Variants in PIP5K1C observed in about 807,000 individuals in gnomAD.
PIP5K1C encodes the protein phosphatidylinositol 4-phosphate 5-kinase type-1 gamma.
PIP5K1C carries 45 observed loss-of-function variants against 80.1 expected under a neutral mutation model. That is an observed-to-expected ratio of 0.56 (90% CI 0.44 to 0.72). PIP5K1C has a LOEUF of 0.72. Among genes scored for constraint, PIP5K1C ranks in the 30% least tolerant of loss-of-function variants. The pLI is 0.00. For missense variants in PIP5K1C, 753 were observed against 954.6 expected (o/e 0.79, Z 2.78); for synonymous variants, 498 against 420.1 (o/e 1.19, Z -2.27).
At chr19:3,698,724 G>A (rs914445906) in intron 1 of PIP5K1C, among the ~76,000 whole-genome samples, 6 of 152,088 alleles carry the variant, frequency 3.9e-5, no homozygotes, top group African/African-American at 1.4e-4. Flanking sequence ...AGAACAAGCA[G>A]GCCCCTTTAT....
At chr19:3,638,296 C>A (rs1226675679) in intron 16 of PIP5K1C, among the ~76,000 whole-genome samples, 3 of 152,176 alleles carry the variant, frequency 2.0e-5, no homozygotes, top group Non-Finnish European at 4.4e-5. Flanking sequence ...CCCAGGTCCC[C>A]AGGGCCGGGC....
intron 1 of PIP5K1C, among the ~76,000 whole-genome samples, chr19:3,677,177 T>C (rs1423827466): frequency 2.0e-5 from 3 of 152,182 alleles, no homozygotes; most frequent in African/African-American, 7.2e-5. Flanking sequence ...TGCCTTAATG[T>C]CAACCACAAG....
At chr19:3,651,567 C>T (rs748680420) in intron 8 of PIP5K1C, among the ~76,000 whole-genome samples, 1 of 152,234 alleles carries the variant, frequency 6.6e-6, no homozygotes, top group Non-Finnish European at 1.5e-5. Flanking sequence ...TGGCCAGTGG[C>T]CTCGGCCCAG....
chr19:3,694,194 A>G (rs1320354112), intron 1 of PIP5K1C, among the ~76,000 whole-genome samples: 1 of 149,962 alleles, frequency 6.7e-6, no homozygotes, highest in Non-Finnish European at 1.5e-5. Context: ...CCCGGGCGAG[A>G]CAGCGAGACT....
At chr19:3,697,207 A>AG (rs1270935521) in intron 1 of PIP5K1C, among the ~76,000 whole-genome samples, 2 of 150,290 alleles carry the variant, frequency 1.3e-5, no homozygotes, top group Non-Finnish European at 3.0e-5. Flanking sequence ...AGCCGGATGG[A>AG]GGAGGACTAA....
In PIP5K1C at chr19:3,653,600, A is replaced by G. The variant is rs2034525177; in HGVS notation, c.622-11T>C. On this transcript the variant is annotated splice_polypyrimidine_tract_variant and intron_variant, in intron 6 of 17. Transcript: ENST00000335312. ...GTTCTGGTTGAGGTTCTGCCGGGGG[A>G]AGAGGGCAAGTCGTGGAGGGCGGCT... 6.2e-7 allele frequency: 1 copy of G among 1,603,046 alleles called. No homozygotes were observed. The highest frequency in any genetic ancestry group is 8.5e-7 in the Non-Finnish European group (1 of 1,172,496).
intron 7 of PIP5K1C, among the ~76,000 whole-genome samples, chr19:3,652,570 G>A (rs568402789): frequency 9.2e-4 from 140 of 152,112 alleles, no homozygotes; most frequent in African/African-American, 3.3e-3. Flanking sequence ...ACAGGCTGGG[G>A]CCTCCCCTCC....
intron 4 of PIP5K1C, 94 bp from the exon 5 acceptor site, chr19:3,661,177 G>C: frequency 1.3e-6 from 1 of 798,290 alleles, no homozygotes; most frequent in Non-Finnish European, 2.1e-6. Context: ...TAGCAGCTGA[G>C]CCTCTAGCGG....
rs1266369718 is a variant in PIP5K1C at position 3,696,751 on chromosome 19, G to C, written c.94+3546C>G. 3.6e-5 allele frequency among the ~76,000 whole-genome samples: 5 copies of C among 139,638 alleles called. No individual in the cohort carries two copies. The highest frequency in any genetic ancestry group is 1.3e-4 in the African/African-American group (5 of 39,054). The allele number at this position is 139,638 out of a possible 152,430, so 91.6% of individuals were successfully genotyped here. A position where few individuals can be genotyped will look rare whatever the true frequency, so the allele number is the denominator to read the frequency against. On this transcript the variant is annotated intron_variant, in intron 1 of 17. Transcript: ENST00000335312. This position sits in a 1 kb window ranked among gnomAD's most constrained non-coding sequence, Gnocchi z 4.1. ...GAGTGCGGAGGGGAGGGCAGGGAGG[G>C]CAGGGAGGGCCCGGGGCAGGCTGTG...
intron 6 of PIP5K1C, 148 bp from the exon 7 acceptor site, chr19:3,653,737 T>A: frequency 1.4e-6 from 1 of 703,540 alleles, no homozygotes; most frequent in Non-Finnish European, 2.3e-6. Flanking sequence ...CCCGTTCCTA[T>A]GCAGGCACCC....
chr19:3,659,227 G>A (rs2034747161), intron 5 of PIP5K1C, among the ~76,000 whole-genome samples: 2 of 152,218 alleles, frequency 1.3e-5, no homozygotes, highest in Admixed American at 6.5e-5. Context: ...TGTGGCACAC[G>A]GCCACACTCA....
rs2033464804 is a variant in PIP5K1C at position 3,631,418 on chromosome 19, G to A, written c.*1749C>T. The A allele has an allele frequency of 6.6e-6, 1 of 152,654 alleles. No individual in the cohort carries two copies. 9.5% of individuals were successfully genotyped at this position (152,654 alleles called of 1,614,324 possible). A position where few individuals can be genotyped will look rare whatever the true frequency, so the allele number is the denominator to read the frequency against. Reference sequence around the variant, plus strand: ...TGCTGGGTGTCCTTCGGAGGGACAGGGCGGGGGCTGATGGGTGGATGCCCG... The same window carrying A: ...TGCTGGGTGTCCTTCGGAGGGACAGAGCGGGGGCTGATGGGTGGATGCCCG... On this transcript the variant is annotated 3_prime_UTR_variant, in exon 18 of 18. Transcript: ENST00000335312.
At chr19:3,697,705 G>C (rs1205069253) in intron 1 of PIP5K1C, among the ~76,000 whole-genome samples, 1 of 152,134 alleles carries the variant, frequency 6.6e-6, no homozygotes, top group Non-Finnish European at 1.5e-5. Flanking sequence ...GTGGGAGTGG[G>C]GCAGGGGCAG....
At chr19:3,645,295 G>A (rs774448804) in intron 11 of PIP5K1C, among the ~76,000 whole-genome samples, 2 of 152,250 alleles carry the variant, frequency 1.3e-5, no homozygotes, top group African/African-American at 2.4e-5. Context: ...GCCTTCTGGT[G>A]GGGAGGGTGG....
intron 16 of PIP5K1C, among the ~76,000 whole-genome samples, chr19:3,634,155 C>T (rs1006850458): frequency 4.6e-5 from 7 of 152,056 alleles, no homozygotes; most frequent in Non-Finnish European, 8.8e-5. Flanking sequence ...GGGCTAGGCA[C>T]AGGCAGGGCC....
rs574156690 is a variant in PIP5K1C, at chr19:3,687,545, G to GCACACATGCACACGCA, written c.94+12736_94+12751dup. Among the ~76,000 whole-genome samples the GCACACATGCACACGCA allele has an allele frequency of 5.6e-3, 847 of 150,612 alleles. 3 individuals carry two copies. The highest frequency in any genetic ancestry group is 8.9e-3 in the Non-Finnish European group (598 of 67,496). ...CACATGCACACGCACACACATACAT[G>GCACACATGCACACGCA]CACACATGCACACGCACACACATGC... On this transcript the variant is annotated intron_variant, in intron 1 of 17. Transcript: ENST00000335312.
chr19:3,691,165 A>G (rs1478381508), intron 1 of PIP5K1C, among the ~76,000 whole-genome samples: 1 of 152,216 alleles, frequency 6.6e-6, no homozygotes, highest in African/African-American at 2.4e-5. Flanking sequence ...CAAGAAGACG[A>G]ATATACGCTG....
intron 8 of PIP5K1C, among the ~76,000 whole-genome samples, chr19:3,650,271 C>G (rs1407024592): frequency 6.6e-6 from 1 of 152,264 alleles, no homozygotes; most frequent in East Asian, 1.9e-4. Context: ...GGCTGCCCCC[C>G]AACCTAGGAG....
At chr19:3,655,368 A>C (rs1429829173) in intron 6 of PIP5K1C, among the ~76,000 whole-genome samples, 1 of 152,220 alleles carries the variant, frequency 6.6e-6, no homozygotes, top group African/African-American at 2.4e-5. Context: ...CAGTGAGCCA[A>C]GATGGCACCA....
Sources: allele counts gnomAD v4.1 joint callset (sites outside exome capture counted in the v4.1 genomes callset), GRCh38; gene constraint gnomAD v4.1.1; non-coding constraint Gnocchi (gnomAD v3.1); transcripts MANE v1.5; gene names NCBI Gene and HGNC (gene_info 2026-07-23, HGNC 2026-07-21).